The following DYNC1I1 variants were observed in gnomAD, a reference collection of about 807,000 sequenced individuals.
DYNC1I1 encodes dynein cytoplasmic 1 intermediate chain 1, also known as cytoplasmic dynein 1 intermediate chain 1.
Under a neutral mutation model 86.6 loss-of-function variants are expected in DYNC1I1, and 43 were observed. The observed-to-expected ratio is 0.50, with a 90% confidence interval of 0.39 to 0.64. DYNC1I1 has a LOEUF of 0.64. Among genes scored for constraint, DYNC1I1 ranks in the 30% least tolerant of loss-of-function variants. DYNC1I1 has a pLI of 0.00. For synonymous variants in DYNC1I1, 262 were observed against 283.7 expected (o/e 0.92, Z 0.77); for missense variants, 604 against 788.8 (o/e 0.77, Z 2.81).
intron 6 of DYNC1I1, among the ~76,000 whole-genome samples, chr7:95,947,380 G>C (rs549879224): frequency 6.6e-6 from 1 of 152,228 alleles, no homozygotes; most frequent in South Asian, 2.1e-4. Context: ...TTACCAGATT[G>C]TGTTCCAGAA....
In DYNC1I1 at chr7:95,905,723, C is replaced by T. The variant is rs73390899; in HGVS notation, c.490+35725C>T. On this transcript the variant is annotated intron_variant, in intron 6 of 16. Transcript: ENST00000447467. ...GGGCTTTTTTTTTTTTCATAGATGG[C>T]ATTTCATTATCCTGTCAACACTGTG... Among the ~76,000 whole-genome samples the T allele has an allele frequency of 9.4e-3, 1,425 of 151,012 alleles. 22 individuals are homozygous for T. Among genetic ancestry groups the T allele is most frequent in the African/African-American group, 0.034 (1,391 of 41,144 alleles).
intron 4 of DYNC1I1, chr7:95,818,521 C>G (rs1306701956): frequency 1.5e-6 from 1 of 671,910 alleles, no homozygotes; most frequent in East Asian, 2.7e-5. Context: ...GCTATATTCC[C>G]CAGGCTGGTC....
chr7:95,822,806 TACTGA>T, intron 4 of DYNC1I1, among the ~76,000 whole-genome samples: 2 of 152,340 alleles, frequency 1.3e-5, no homozygotes, highest in East Asian at 3.9e-4. Context: ...CAGCGGGGAA[TACTGA>T]CGGAAATTTA....
At chr7:95,858,912 A>ATAATATATTTATTATATTATATATTATAT (rs1228886928) in intron 5 of DYNC1I1, among the ~76,000 whole-genome samples, 6 of 146,180 alleles carry the variant, frequency 4.1e-5, no homozygotes, top group African/African-American at 1.2e-4. Flanking sequence ...TATTATTTTA[A>ATAATATATTTATTATATTATATATTATAT]TAATATATTT....
intron 16 of DYNC1I1, among the ~76,000 whole-genome samples, chr7:96,088,174 T>G (rs1790740351): frequency 6.6e-6 from 1 of 152,140 alleles, no homozygotes; most frequent in African/African-American, 2.4e-5. Flanking sequence ...GAAAATGGAC[T>G]TATAGGATTA....
At chr7:95,938,732 G>C (rs1200549423) in intron 6 of DYNC1I1, among the ~76,000 whole-genome samples, 1 of 152,140 alleles carries the variant, frequency 6.6e-6, no homozygotes, top group Non-Finnish European at 1.5e-5. Flanking sequence ...AAATTATTAA[G>C]TGCTAATGGT....
intron 4 of DYNC1I1, among the ~76,000 whole-genome samples, chr7:95,826,844 T>C (rs1376324657): frequency 6.6e-6 from 1 of 151,924 alleles, no homozygotes; most frequent in Non-Finnish European, 1.5e-5. Context: ...CATTAAGGAG[T>C]ATGCAGAGTT....
At chr7:95,899,430 T>C (rs1450989981) in intron 6 of DYNC1I1, among the ~76,000 whole-genome samples, 1 of 152,216 alleles carries the variant, frequency 6.6e-6, no homozygotes, top group Non-Finnish European at 1.5e-5. Context: ...TGAAATGATG[T>C]TCAAGTCAGA....
chr7:95,947,534 G>A (rs1792434900), intron 6 of DYNC1I1, among the ~76,000 whole-genome samples: 2 of 152,136 alleles, frequency 1.3e-5, no homozygotes, highest in African/African-American at 4.8e-5. Flanking sequence ...CCTAGAAATG[G>A]AAGGTTTTTG....
intron 14 of DYNC1I1, among the ~76,000 whole-genome samples, chr7:96,064,296 A>G (rs1245936756): frequency 2.0e-5 from 3 of 151,008 alleles, no homozygotes; most frequent in African/African-American, 7.3e-5. Context: ...TCAGGGACAT[A>G]CTGATGCTTT....
chr7:95,896,014 C>T (rs140498333), intron 6 of DYNC1I1, among the ~76,000 whole-genome samples: 189 of 152,240 alleles, frequency 1.2e-3, no homozygotes, highest in Middle Eastern at 3.4e-3. Context: ...AGAGAAGAGC[C>T]GGCAGAAGGC....
chr7:96,032,629 G>A, intron 11 of DYNC1I1, 38 bp from the exon 12 acceptor site: 1 of 1,493,394 alleles, frequency 6.7e-7, no homozygotes, highest in Non-Finnish European at 9.3e-7. Context: ...ATTTCCTCTT[G>A]GATCTGTCTC....
chr7:96,083,198 CT>C (rs1182426665), intron 16 of DYNC1I1, among the ~76,000 whole-genome samples: 1 of 152,160 alleles, frequency 6.6e-6, no homozygotes, highest in Non-Finnish European at 1.5e-5. Flanking sequence ...TTGAAGAGTT[CT>C]TTAGGTATTG....
In DYNC1I1 at chr7:95,812,229, T is replaced by C. The variant is rs539402116; in HGVS notation, c.224-1018T>C. 1.2e-3 allele frequency among the ~76,000 whole-genome samples: 180 copies of C among 152,274 alleles called. 1 individual carries two copies. The highest frequency in any genetic ancestry group is 4.2e-3 in the African/African-American group (175 of 41,574). On this transcript the variant is annotated intron_variant, in intron 3 of 16. Coordinates refer to ENST00000447467, the MANE Select transcript of DYNC1I1 (RefSeq NM_001135556.2). ...GTAAATAAAAGGAAATTGCACATGATTGAAACCAAATGGGAATCTACATTT... is the reference window on the plus strand; with the variant it reads ...GTAAATAAAAGGAAATTGCACATGACTGAAACCAAATGGGAATCTACATTT...
intron 6 of DYNC1I1, among the ~76,000 whole-genome samples, chr7:95,935,064 A>G (rs1792003598): frequency 6.6e-6 from 1 of 151,996 alleles, no homozygotes; most frequent in Non-Finnish European, 1.5e-5. Flanking sequence ...AATGTCCTAT[A>G]GCAGATCTCT....
downstream of DYNC1I1, among the ~76,000 whole-genome samples, chr7:96,100,347 C>CT (rs1791109180): frequency 6.6e-6 from 1 of 150,640 alleles, no homozygotes; most frequent in South Asian, 2.1e-4. Context: ...CTCTCCCTTC[C>CT]TTCCTTCCTT....
intron 6 of DYNC1I1, among the ~76,000 whole-genome samples, chr7:95,970,098 G>A (rs1186924058): frequency 2.0e-5 from 3 of 152,148 alleles, no homozygotes; most frequent in Admixed American, 6.5e-5. Context: ...TCCCGGCGAA[G>A]TTGGCAAGCT....
intron 6 of DYNC1I1, among the ~76,000 whole-genome samples, chr7:95,920,526 T>C (rs928724059): frequency 1.3e-5 from 2 of 152,196 alleles, no homozygotes; most frequent in African/African-American, 4.8e-5. Flanking sequence ...AATGATGCAG[T>C]AACGTATGAT....
At chr7:96,086,626 A>T (rs1349485614) in intron 16 of DYNC1I1, among the ~76,000 whole-genome samples, 1 of 152,144 alleles carries the variant, frequency 6.6e-6, no homozygotes, top group Admixed American at 6.5e-5. Flanking sequence ...GGCCAAAAGA[A>T]TAGTATTCAT....
Sources: allele counts gnomAD v4.1 joint callset (sites outside exome capture counted in the v4.1 genomes callset), GRCh38; gene constraint gnomAD v4.1.1; transcripts MANE v1.5; gene names NCBI Gene and HGNC (gene_info 2026-07-23, HGNC 2026-07-21).